Variants in SAMSN1 observed in about 807,000 individuals in gnomAD.
The protein encoded by SAMSN1 is SAM domain-containing protein SAMSN-1.
A neutral mutation model predicts 42.0 loss-of-function variants in SAMSN1; 31 were observed. The ratio of observed to expected loss-of-function variants is 0.74; its 90% CI spans 0.55 to 1.00. The LOEUF is 1.00. Ranked by LOEUF, SAMSN1 falls within the 50% of genes least tolerant of loss-of-function variation. The pLI, the probability that SAMSN1 is intolerant of heterozygous loss-of-function variation, is 0.00. For synonymous variants in SAMSN1, 178 were observed against 151.9 expected (o/e 1.17, Z -1.26); for missense variants, 464 against 439.4 (o/e 1.06, Z -0.50).
intron 1 of SAMSN1, among the ~76,000 whole-genome samples, chr21:14,536,854 T>TAATTGGA (rs1979654974): frequency 6.6e-6 from 1 of 152,212 alleles, no homozygotes; most frequent in Admixed American, 6.5e-5. Flanking sequence ...AGACAGCATG[T>TAATTGGA]AGTAAGTTAC....
At chr21:14,615,406 C>T (rs946042059) in intron 3 of SAMSN1, among the ~76,000 whole-genome samples, 2 of 152,128 alleles carry the variant, frequency 1.3e-5, no homozygotes, top group African/African-American at 4.8e-5. Flanking sequence ...TTACAATTGG[C>T]CTCAGACCAA....
intron 3 of SAMSN1, among the ~76,000 whole-genome samples, chr21:14,614,402 A>G (rs564800565): frequency 9.6e-4 from 146 of 152,262 alleles, no homozygotes; most frequent in Middle Eastern, 3.4e-3. Context: ...GAAAATTTCC[A>G]TAACAAAATG....
At chr21:14,658,757 G>C (rs1192478696) in exon 1 of SAMSN1, 33 of 715,420 alleles carry the variant, frequency 4.6e-5, no homozygotes, top group Non-Finnish European at 8.1e-5. Flanking sequence ...CCAGCGAAAT[G>C]CAGAAAAGAT....
chr21:14,608,033 A>G (rs1982609301), intron 5 of SAMSN1, among the ~76,000 whole-genome samples: 1 of 152,208 alleles, frequency 6.6e-6, no homozygotes. Context: ...TCCAAACATG[A>G]TAGAGAGGGA....
At chr21:14,488,643 C>A (rs1986544544) in intron 7 of SAMSN1, among the ~76,000 whole-genome samples, 1 of 152,086 alleles carries the variant, frequency 6.6e-6, no homozygotes, top group African/African-American at 2.4e-5. Flanking sequence ...AATGCTATAT[C>A]ATGTTCTCTA....
At position 14,510,361 on chromosome 21, in the gene SAMSN1, C is replaced by A. The variant is rs374588371; in HGVS notation, c.510G>T (p.Val170=). Residue 170 remains valine, a synonymous_variant, in exon 5 of 8, where the codon GTG becomes GTT. Coordinates refer to ENST00000400566, the MANE Select transcript of SAMSN1 (RefSeq NM_022136.5). ...YSGPFCGRAR[V]HTDFTPSPYD... ...AGGGACTTGGCGTGAAATCCGTATG[C>A]ACTCTGGCACGGCCACAGAATGGTC... 6.2e-7 allele frequency: 1 copy of A among 1,613,988 alleles called. No individual in the cohort carries two copies. The highest frequency in any genetic ancestry group is 8.5e-7 in the Non-Finnish European group (1 of 1,180,000).
intron 2 of SAMSN1, among the ~76,000 whole-genome samples, chr21:14,616,900 G>A (rs1203526981): frequency 6.6e-6 from 1 of 152,226 alleles, no homozygotes; most frequent in African/African-American, 2.4e-5. Flanking sequence ...AATAGTAACA[G>A]CCTGGGCACA....
chr21:14,593,056 C>A (rs1426481870), intron 7 of SAMSN1, among the ~76,000 whole-genome samples: 1 of 152,134 alleles, frequency 6.6e-6, no homozygotes, highest in Non-Finnish European at 1.5e-5. Flanking sequence ...TCCATCACCT[C>A]TTCCTCCTAC....
At chr21:14,569,387 C>T (rs1556281) in intron 2 of SAMSN1, among the ~76,000 whole-genome samples, 48,510 of 151,962 alleles carry the variant, frequency 0.32, 8,012 homozygotes, top group East Asian at 0.48. Flanking sequence ...TCATTTTGGC[C>T]GACTGCTGTT....
chr21:14,616,491 C>T (rs1982841121), intron 2 of SAMSN1, among the ~76,000 whole-genome samples: 1 of 152,148 alleles, frequency 6.6e-6, no homozygotes, highest in African/African-American at 2.4e-5. Context: ...ACAATACCCT[C>T]AGGGTGTTGA....
rs192457067 is a variant in SAMSN1 at position 14,486,709 on chromosome 21, G to T, written c.920-595C>A. Among the ~76,000 whole-genome samples, 3 of 152,114 alleles carry T rather than the reference G, an allele frequency of 2.0e-5. No homozygotes were observed. The East Asian group carries it at 5.8e-4, about 29-fold the overall frequency. On this transcript the variant is annotated intron_variant, in intron 7 of 7. Coordinates refer to ENST00000400566, the MANE Select transcript of SAMSN1 (RefSeq NM_022136.5). ...ATCACAAAATAGGCATAAGAAACCA[G>T]GTTGCTTTTAGAAAGTAAAACACCA...
intron 2 of SAMSN1, among the ~76,000 whole-genome samples, chr21:14,573,849 G>C (rs1377519545): frequency 6.6e-6 from 1 of 152,206 alleles, no homozygotes; most frequent in Admixed American, 6.5e-5. Context: ...GCTCATAGCT[G>C]ACTCTTCTGG....
chr21:14,601,633 A>AT (rs904040075), intron 6 of SAMSN1, among the ~76,000 whole-genome samples: 6 of 152,128 alleles, frequency 3.9e-5, no homozygotes, highest in Non-Finnish European at 7.4e-5. Context: ...GACTTTTTTA[A>AT]TTATCCAAAC....
chr21:14,619,952 G>A (rs1194460037), intron 2 of SAMSN1, among the ~76,000 whole-genome samples: 1 of 152,044 alleles, frequency 6.6e-6, no homozygotes, highest in East Asian at 1.9e-4. Context: ...TCATTTGAGA[G>A]CCTTCAGAGG....
At chr21:14,499,631 G>A (rs1987059650) in intron 6 of SAMSN1, among the ~76,000 whole-genome samples, 2 of 151,978 alleles carry the variant, frequency 1.3e-5, no homozygotes, top group African/African-American at 4.8e-5. Flanking sequence ...GCATTCTTGG[G>A]GAAGTCATTT....
chr21:14,524,559 C>G (rs530206145), intron 1 of SAMSN1, among the ~76,000 whole-genome samples: 4 of 152,140 alleles, frequency 2.6e-5, no homozygotes, highest in Admixed American at 1.3e-4. Context: ...TTGGCAATAT[C>G]TAGCAAAATT....
rs553340395 is a variant in SAMSN1, at chr21:14,577,613, C to T, written c.261+4523G>A. Among the ~76,000 whole-genome samples the T allele has an allele frequency of 2.6e-4, 39 of 152,082 alleles. 1 individual carries two copies. The East Asian group carries it at 7.2e-3, about 28-fold the overall frequency. On this transcript the variant is annotated intron_variant, in intron 2 of 8. Transcript: ENST00000285670. ...ATTTTCCTCCTTTTGTTAAGATGTGCCATGCTCTTAGCTTACAGAGCTTCG... is the reference window on the plus strand; with the variant it reads ...ATTTTCCTCCTTTTGTTAAGATGTGTCATGCTCTTAGCTTACAGAGCTTCG...
chr21:14,622,014 G>C (rs568379882), intron 2 of SAMSN1, among the ~76,000 whole-genome samples: 133 of 152,320 alleles, frequency 8.7e-4, no homozygotes, highest in African/African-American at 2.9e-3. Flanking sequence ...AGGCAAACAG[G>C]GTCTGGAGTG....
intron 3 of SAMSN1, among the ~76,000 whole-genome samples, chr21:14,515,553 A>G (rs1987878370): frequency 6.6e-6 from 1 of 152,140 alleles, no homozygotes; most frequent in Non-Finnish European, 1.5e-5. Context: ...AGAAGAAAAC[A>G]TGGGAATAAA....
Sources: gnomAD v4.1 joint callset for allele counts (sites outside exome capture counted in the v4.1 genomes callset) on GRCh38, gnomAD v4.1.1 for gene constraint, MANE v1.5 for transcripts, NCBI Gene and HGNC (gene_info 2026-07-23, HGNC 2026-07-21) for gene names.